Variants in AR observed in about 807,000 individuals in gnomAD.
AR encodes androgen receptor, also known as dihydrotestosterone receptor.
Under a neutral mutation model 53.9 loss-of-function variants are expected in AR, and 8 were observed. That is an observed-to-expected ratio of 0.15 (90% CI 0.09 to 0.27). The LOEUF (loss-of-function observed/expected upper bound fraction) is 0.27, where lower values mean the gene tolerates loss of function less well. Among genes scored for constraint, AR ranks in the 10% least tolerant of loss-of-function variants. AR has a pLI of 1.00. For missense variants in AR, 639 were observed against 742.5 expected (o/e 0.86, Z 1.62); for synonymous variants, 359 against 316.4 (o/e 1.13, Z -1.43).
At chrX:67,708,158 C>T (rs1274544498) in intron 3 of AR, among the ~76,000 whole-genome samples, 2 of 111,379 alleles carry the variant, frequency 1.8e-5, no homozygotes, top group Admixed American at 1.9e-4. Context: ...TTGTGGCGTT[C>T]TCTGTATTTC....
chrX:67,721,749 G>T (rs776179203), intron 5 of AR, 84 bp from the exon 6 acceptor site: 22 of 1,158,555 alleles, frequency 1.9e-5, no homozygotes, highest in Non-Finnish European at 2.6e-5. Context: ...AAAACCTGGC[G>T]AGGGATGGCA....
At chrX:67,706,298 G>A (rs2076067124) in intron 3 of AR, among the ~76,000 whole-genome samples, 1 of 111,465 alleles carries the variant, frequency 9.0e-6, no homozygotes, top group South Asian at 3.8e-4. Context: ...TGGCTGGTAA[G>A]CTATTAATTA....
chrX:67,613,677 A>C (rs1012477613), intron 1 of AR, among the ~76,000 whole-genome samples: 1 of 111,872 alleles, frequency 8.9e-6, no homozygotes, highest in Admixed American at 9.5e-5. Flanking sequence ...TGGATCCATC[A>C]GTAAAATGTG....
intron 1 of AR, among the ~76,000 whole-genome samples, chrX:67,582,220 G>A (rs1922328338): frequency 9.0e-6 from 1 of 111,585 alleles, no homozygotes; most frequent in Non-Finnish European, 1.9e-5. Flanking sequence ...TAGAAGTGAT[G>A]GGCTCTTTAG....
chrX:67,686,503 T>TGCAGGATGACCCAGGCATAGGC (rs910117330), intron 3 of AR, among the ~76,000 whole-genome samples: 1 of 110,625 alleles, frequency 9.0e-6, no homozygotes, highest in Non-Finnish European at 1.9e-5. Flanking sequence ...CAGTCAGAGG[T>TGCAGGATGACCCAGGCATAGGC]GCAGGATGAC....
At chrX:67,587,915 A>G (rs764604920) in intron 1 of AR, among the ~76,000 whole-genome samples, 7 of 108,758 alleles carry the variant, frequency 6.4e-5, no homozygotes, top group Admixed American at 2.9e-4. Flanking sequence ...CGAGACATTC[A>G]GTAGTTATTC....
chrX:67,551,001 G>T lies in AR; in HGVS notation c.1616+4239G>T, dbSNP rs759687876. Among the ~76,000 whole-genome samples, 22 of 76,600 alleles carry T rather than the reference G, an allele frequency of 2.9e-4. No individual in the cohort carries two copies. The South Asian group carries it at 0.012, about 41-fold the overall frequency. 66.5% of individuals were successfully genotyped at this position (76,600 alleles called of 115,157 possible). A position where few individuals can be genotyped will look rare whatever the true frequency, so the allele number is the denominator to read the frequency against. ...AGGGGATTGCAAAATGAATAGCTGG[G>T]TTTTTTTTTTTTTTTTTTTTTTTAC... On this transcript the variant is annotated intron_variant, in intron 1 of 7. Transcript: ENST00000374690.
At chrX:67,588,721 A>G (rs960964578) in intron 1 of AR, among the ~76,000 whole-genome samples, 1 of 111,818 alleles carries the variant, frequency 8.9e-6, no homozygotes, top group East Asian at 2.8e-4. Flanking sequence ...TTTATTCTCT[A>G]TCTCCTTTCT....
In AR at chrX:67,711,496, G is replaced by A. The variant is rs959711909; in HGVS notation, c.1980G>A (p.Leu660=). The A allele has an allele frequency of 2.5e-6, 3 of 1,211,018 alleles. No individual in the cohort carries two copies. Among genetic ancestry groups the A allele is most frequent in the Non-Finnish European group, 3.4e-6 (3 of 895,192 alleles). The change falls in exon 4 of 8, where the codon CTG becomes CTA. Residue 660 remains leucine, a synonymous_variant. Transcript: ENST00000374690. The part of the protein sequence containing the change: ...TSPTEETTQK[L]TVSHIEGYEC... ...CCACTGAGGAGACAACCCAGAAGCT[G>A]ACAGTGTCACACATTGAAGGCTATG...
intron 5 of AR, among the ~76,000 whole-genome samples, chrX:67,719,084 A>G (rs762723360): frequency 1.8e-5 from 2 of 110,989 alleles, no homozygotes; most frequent in East Asian, 2.9e-4. Context: ...CTACAGGCCA[A>G]TGGTTCCTTC....
chrX:67,660,629 G>A (rs774935730), intron 2 of AR, among the ~76,000 whole-genome samples: 1 of 111,790 alleles, frequency 8.9e-6, no homozygotes, highest in South Asian at 3.8e-4. Context: ...TTGTAGTATA[G>A]TTTGAAGTCA....
At position 67,545,810 on chromosome X, in the gene AR, A is replaced by G; in HGVS notation, c.664A>G (p.Lys222Glu). 1 of 1,212,101 alleles carries G rather than the reference A, an allele frequency of 8.3e-7. No individual in the cohort carries two copies. Among genetic ancestry groups the G allele is most frequent in the Non-Finnish European group, 1.1e-6 (1 of 895,578 alleles). The change falls in exon 1 of 8, where the codon AAG becomes GAG. Residue 222 changes from lysine (K) to glutamate (E), a missense_variant. Lys to Glu is a moderately conservative substitution (Grantham distance 56). Around this residue, in one of 5 missense-constraint regions of AR, gnomAD observed 423 missense variants for 377.0 expected, o/e 1.12. Transcript: ENST00000374690. ...REASGAPTSS[K>E]DNYLGGTSTI... ...GGCCTCGGGGGCTCCCACTTCCTCC[A>G]AGGACAATTACTTAGGGGGCACTTC...
chrX:67,567,377 C>T (rs1317634085), intron 1 of AR, among the ~76,000 whole-genome samples: 1 of 111,592 alleles, frequency 9.0e-6, no homozygotes, highest in Non-Finnish European at 1.9e-5. Context: ...CCACAATGTT[C>T]CCTGAGGACT....
At chrX:67,723,520 A>AACACGCAC (rs1555998015) in intron 7 of AR, among the ~76,000 whole-genome samples, 166 bp from the exon 8 acceptor site, 2 of 93,147 alleles carry the variant, frequency 2.1e-5, no homozygotes, top group East Asian at 3.8e-4. Context: ...GTCTCTCTCT[A>AACACGCAC]ACACACACAC....
intron 4 of AR, among the ~76,000 whole-genome samples, chrX:67,713,273 T>C (rs1426241799): frequency 9.1e-6 from 1 of 110,454 alleles, no homozygotes; most frequent in Admixed American, 9.7e-5. Context: ...CTTCTCAGCT[T>C]GGGAAGCTGA....
chrX:67,549,692 G>A, intron 1 of AR, among the ~76,000 whole-genome samples: 1 of 111,943 alleles, frequency 8.9e-6, no homozygotes, highest in South Asian at 3.7e-4. Flanking sequence ...TTCTAAGAGA[G>A]TGCATGCCAG....
At chrX:67,602,737 A>T in intron 1 of AR, among the ~76,000 whole-genome samples, 1 of 111,558 alleles carries the variant, frequency 9.0e-6, no homozygotes, top group Non-Finnish European at 1.9e-5. Context: ...ATAAGAGTCC[A>T]GCCTGATTGA....
chrX:67,687,555 T>C (rs2075973456), intron 3 of AR, among the ~76,000 whole-genome samples: 1 of 111,593 alleles, frequency 9.0e-6, no homozygotes, highest in African/African-American at 3.3e-5. Context: ...AATCCAACAA[T>C]TGAGGTCTAC....
chrX:67,671,395 T>C (rs1425867846), intron 2 of AR, among the ~76,000 whole-genome samples: 7 of 112,752 alleles, frequency 6.2e-5, no homozygotes, highest in Non-Finnish European at 9.4e-5. Flanking sequence ...ATAAATGTCT[T>C]CTTTTGAGAA....
Sources: allele counts gnomAD v4.1 joint callset (sites outside exome capture counted in the v4.1 genomes callset), GRCh38; gene constraint gnomAD v4.1.1; regional missense constraint gnomAD v4.1.1; transcripts MANE v1.5; gene names NCBI Gene and HGNC (gene_info 2026-07-23, HGNC 2026-07-21).